KIRREL3: variants seen among roughly 807,000 people sequenced by gnomAD.
KIRREL3 encodes kin of IRRE-like protein 3.
Under a neutral mutation model 89.7 loss-of-function variants are expected in KIRREL3, and 36 were observed. The ratio of observed to expected loss-of-function variants is 0.40; its 90% confidence interval spans 0.31 to 0.53. The LOEUF (loss-of-function observed/expected upper bound fraction) is 0.53. KIRREL3 is among the 20% of genes least tolerant of loss of function. The pLI is 0.49. For missense variants in KIRREL3, 864 were observed against 1,056.6 expected (o/e 0.82, Z 2.53); for synonymous variants, 445 against 441.4 (o/e 1.01, Z -0.10).
intron 1 of KIRREL3, among the ~76,000 whole-genome samples, chr11:126,599,941 C>A (rs1942577896): frequency 6.6e-6 from 1 of 152,216 alleles, no homozygotes; most frequent in South Asian, 2.1e-4. Context: ...CCTGTGTGCT[C>A]CCTTCCCTTG....
rs1950235320 is a variant in KIRREL3 at position 126,778,528 on chromosome 11, C to T, written c.56-215616G>A. Among the ~76,000 whole-genome samples, 1 of 152,182 alleles carries T rather than the reference C, an allele frequency of 6.6e-6. No individual in the cohort carries two copies. The highest frequency in any genetic ancestry group is 2.1e-4 in the South Asian group (1 of 4,832). ...AATTTGTATTACTTTTATGTTTTTG[C>T]TATAACAACAATGCTGCGGTAAATA... is the stretch of plus-strand genomic sequence containing the variant. On this transcript the variant is annotated intron_variant, in intron 1 of 16. Coordinates refer to ENST00000525144, the MANE Select transcript of KIRREL3 (RefSeq NM_032531.4). This position sits in a 1 kb window ranked among gnomAD's most constrained non-coding sequence, Gnocchi z 4.5.
chr11:126,566,808 G>A lies in KIRREL3; in HGVS notation c.56-3896C>T, dbSNP rs561573063. ...TGTGGGATACTTATTTTTTAATGAC[G>A]CTGTCATATTCCCTTTCTCTTTAGA... On this transcript the variant is annotated intron_variant, in intron 1 of 16. Coordinates refer to ENST00000525144, the MANE Select transcript of KIRREL3 (RefSeq NM_032531.4). This position sits in a 1 kb window ranked among gnomAD's most constrained non-coding sequence, Gnocchi z 4.9. Among the ~76,000 whole-genome samples the A allele has an allele frequency of 1.3e-4, 20 of 152,084 alleles. No homozygotes were observed. The East Asian group carries it at 1.3e-3, about 10-fold the overall frequency.
chr11:126,923,107 TCTC>T (rs1235773128), intron 1 of KIRREL3, among the ~76,000 whole-genome samples: 8 of 70,778 alleles, frequency 1.1e-4, no homozygotes, highest in African/African-American at 7.1e-4. Flanking sequence ...TTCTTCTCCT[TCTC>T]CTTCTCCTTC....
At chr11:126,779,976 G>A (rs1950277821) in intron 1 of KIRREL3, among the ~76,000 whole-genome samples, 1 of 152,180 alleles carries the variant, frequency 6.6e-6, no homozygotes, top group Non-Finnish European at 1.5e-5. Flanking sequence ...GCCCACGGGA[G>A]CATCTAGTGG....
In KIRREL3 at chr11:126,924,462, C is replaced by T. The variant is rs910896692; in HGVS notation, c.55+75993G>A. The stretch of plus-strand genomic sequence containing the variant: ...CTAAAATAAAGAGGATTTCCAGGCA[C>T]ACGGGAAGTCTAACACCCATTAATC... On this transcript the variant is annotated intron_variant, in intron 1 of 16. Coordinates refer to ENST00000525144, the MANE Select transcript of KIRREL3 (RefSeq NM_032531.4). This position sits in a 1 kb window ranked among gnomAD's most constrained non-coding sequence, Gnocchi z 4.7. Among the ~76,000 whole-genome samples, 1 of 152,146 alleles carries T rather than the reference C, an allele frequency of 6.6e-6. No individual in the cohort carries two copies. The highest frequency in any genetic ancestry group is 1.5e-5 in the Non-Finnish European group (1 of 68,036).
chr11:126,688,829 A>T (rs192092906), intron 1 of KIRREL3, among the ~76,000 whole-genome samples: 1 of 152,166 alleles, frequency 6.6e-6, no homozygotes, highest in Non-Finnish European at 1.5e-5. Context: ...AGATGACATG[A>T]TAGCTGTCAC....
chr11:126,604,275 T>C (rs1263803036), intron 1 of KIRREL3, among the ~76,000 whole-genome samples: 2 of 152,182 alleles, frequency 1.3e-5, no homozygotes, highest in Admixed American at 1.3e-4. Flanking sequence ...CACGTGGGAA[T>C]GGGCAGGAAG....
rs758564991 is a variant in KIRREL3 at position 126,515,005 on chromosome 11, C to T, written c.433+6310G>A. 1.3e-5 allele frequency among the ~76,000 whole-genome samples: 2 copies of T among 152,156 alleles called. No homozygotes were observed. Among genetic ancestry groups the T allele is most frequent in the Non-Finnish European group, 2.9e-5 (2 of 68,038 alleles). On this transcript the variant is annotated intron_variant, in intron 4 of 16. Transcript: ENST00000525144. The surrounding 1 kb of genome is among the most constrained non-coding windows in gnomAD (Gnocchi z 4.2). ...TGCCATGAGGAACATTTACTGAACA[C>T]CCAGTATGTGATTCTAGGCTGTGCT...
chr11:126,880,080 A>G (rs1326745442), intron 1 of KIRREL3, among the ~76,000 whole-genome samples: 1 of 152,176 alleles, frequency 6.6e-6, no homozygotes, highest in Non-Finnish European at 1.5e-5. Context: ...CCTTTCTTGG[A>G]TGAATGGATT....
In KIRREL3 at chr11:126,676,035, CAGT is replaced by C. The variant is rs1946173341; in HGVS notation, c.56-113126_56-113124del. 6.6e-6 allele frequency among the ~76,000 whole-genome samples: 1 copy of C among 152,144 alleles called. No individual in the cohort carries two copies. The highest frequency in any genetic ancestry group is 3.4e-3 in the Middle Eastern group (1 of 294). ...ATGTTAACACCAAGAATAAGAAATC[CAGT>C]AGGAGGGAGAAGTTTGAGAAAGGAA... On this transcript the variant is annotated intron_variant, in intron 1 of 16. Transcript: ENST00000525144. The surrounding 1 kb of genome is among the most constrained non-coding windows in gnomAD (Gnocchi z 4.5).
intron 1 of KIRREL3, among the ~76,000 whole-genome samples, chr11:126,590,564 A>G (rs1942086181): frequency 6.6e-6 from 1 of 152,228 alleles, no homozygotes; most frequent in Non-Finnish European, 1.5e-5. Context: ...ACAGCAGACG[A>G]AAGAGAACAT....
intron 4 of KIRREL3, among the ~76,000 whole-genome samples, chr11:126,493,766 C>G (rs1444462968): frequency 6.6e-6 from 1 of 151,998 alleles, no homozygotes; most frequent in Non-Finnish European, 1.5e-5. Flanking sequence ...TCTACTCTGC[C>G]CCCAGCTGGC....
At position 126,564,690 on chromosome 11, in the gene KIRREL3, C is replaced by G. The variant is rs536306785; in HGVS notation, c.56-1778G>C. 3.3e-5 allele frequency among the ~76,000 whole-genome samples: 5 copies of G among 152,296 alleles called. No individual in the cohort carries two copies. The highest frequency in any genetic ancestry group is 1.2e-4 in the African/African-American group (5 of 41,578). On this transcript the variant is annotated intron_variant, in intron 1 of 16. Transcript: ENST00000525144. The surrounding 1 kb of genome is among the most constrained non-coding windows in gnomAD (Gnocchi z 7.4). ...TCAGGGGCTCCTGCTCTGTCGCAGG[C>G]CTCATGGATCAAAGCCCCTTTGATG...
rs990457699 is a variant in KIRREL3, at chr11:126,525,319, T to C, written c.283+1219A>G. On this transcript the variant is annotated intron_variant, in intron 3 of 16. Coordinates refer to ENST00000525144, the MANE Select transcript of KIRREL3 (RefSeq NM_032531.4). The surrounding 1 kb of genome is among the most constrained non-coding windows in gnomAD (Gnocchi z 5.4). ...ATTCTAGTTTGGGAAGGTTGTATCA[T>C]TCCTGGAGTTTCTCTAGGGTAAAGG... Among the ~76,000 whole-genome samples the C allele has an allele frequency of 2.6e-5, 4 of 152,216 alleles. No individual in the cohort carries two copies. The highest frequency in any genetic ancestry group is 5.9e-5 in the Non-Finnish European group (4 of 68,026).
Position 126,717,668 on chromosome 11 carries a change from A to G in KIRREL3, c.56-154756T>C, listed in dbSNP as rs1948018890. ...TTTAATGAGTTCAGAGTCATTGCCA[A>G]ACTAAGTAGTCAGCTTCCATCAGTG... On this transcript the variant is annotated intron_variant, in intron 1 of 16. Transcript: ENST00000525144. 2.6e-5 allele frequency among the ~76,000 whole-genome samples: 4 copies of G among 152,272 alleles called. No individual in the cohort carries two copies. The South Asian group carries it at 8.3e-4, about 32-fold the overall frequency.
intron 1 of KIRREL3, among the ~76,000 whole-genome samples, chr11:126,980,337 A>C (rs1291726599): frequency 1.3e-5 from 2 of 152,174 alleles, no homozygotes; most frequent in Non-Finnish European, 2.9e-5. Flanking sequence ...TGATAGAACA[A>C]ATGCAAGTAT....
intron 4 of KIRREL3, among the ~76,000 whole-genome samples, chr11:126,479,202 G>C (rs938682083): frequency 1.3e-5 from 2 of 152,112 alleles, no homozygotes; most frequent in African/African-American, 4.8e-5. Flanking sequence ...TACAGTGGAG[G>C]GAGGATGCCG....
chr11:126,751,182 C>T (rs887410930), intron 1 of KIRREL3, among the ~76,000 whole-genome samples: 4 of 152,170 alleles, frequency 2.6e-5, no homozygotes, highest in East Asian at 1.9e-4. Context: ...GATGAACTTC[C>T]CCCTCAGCTC....
chr11:126,980,481 AC>A (rs1949691055), intron 1 of KIRREL3, among the ~76,000 whole-genome samples: 1 of 152,088 alleles, frequency 6.6e-6, no homozygotes, highest in Non-Finnish European at 1.5e-5. Context: ...TAAATTGTGT[AC>A]CCTATGAAGA....
Sources: allele counts gnomAD v4.1 joint callset (sites outside exome capture counted in the v4.1 genomes callset), GRCh38; gene constraint gnomAD v4.1.1; non-coding constraint Gnocchi (gnomAD v3.1); transcripts MANE v1.5; gene names NCBI Gene and HGNC (gene_info 2026-07-23, HGNC 2026-07-21).